Variants in MLANA observed in about 807,000 individuals in gnomAD.
MLANA encodes the protein melanoma antigen recognized by T-cells 1.
In MLANA, 21 loss-of-function variants were observed where a neutral mutation model predicts 15.7. The observed-to-expected ratio is 1.33, with a 90% CI of 0.95 to 1.92. The LOEUF (loss-of-function observed/expected upper bound fraction) is 1.92, where lower values mean the gene tolerates loss of function less well. Ranked by LOEUF, MLANA falls within the 40% of genes most tolerant of loss-of-function variation. The pLI is 0.00. For missense variants in MLANA, 164 were observed against 143.8 expected (o/e 1.14, Z -0.72); for synonymous variants, 56 against 51.5 (o/e 1.09, Z -0.37).
At position 5,908,789 on chromosome 9, in the gene MLANA, T is replaced by C; in HGVS notation, c.*81T>C. On this transcript the variant is annotated 3_prime_UTR_variant, in exon 5 of 5. Transcript: ENST00000381477. ...AATTTAATACAGACATCTAATGTTC[T>C]CCTTTGGAATGGTGTAGGAAAAATG... 7.3e-7 allele frequency: 1 copy of C among 1,366,270 alleles called. No individual in the cohort carries two copies. The highest frequency in any genetic ancestry group is 1.2e-5 in the South Asian group (1 of 83,048). The allele number at this position is 1,366,270 out of a possible 1,614,324, so 84.6% of individuals were successfully genotyped here. A position where few individuals can be genotyped will look rare whatever the true frequency, so the allele number is the denominator to read the frequency against.
chr9:5,898,921 T>C (rs1832225042), intron 3 of MLANA: 1 of 152,232 alleles, frequency 6.6e-6, no homozygotes, highest in African/African-American at 2.4e-5. Context: ...AAGGTTTTAA[T>C]AGTATTTTTT....
At chr9:5,896,765 G>C (rs1217183974) in intron 2 of MLANA, among the ~76,000 whole-genome samples, 1 of 152,190 alleles carries the variant, frequency 6.6e-6, no homozygotes, top group Non-Finnish European at 1.5e-5. Flanking sequence ...TAACTGTAAT[G>C]CTTCCCAGGG....
chr9:5,908,355 A>G (rs1014110686), intron 4 of MLANA, among the ~76,000 whole-genome samples: 1 of 152,216 alleles, frequency 6.6e-6, no homozygotes, highest in African/African-American at 2.4e-5. Context: ...ATGATTCGTT[A>G]GTTAGGGCTT....
intron 2 of MLANA, 80 bp downstream of exon 2, chr9:5,892,631 C>G: frequency 8.7e-7 from 1 of 1,149,822 alleles, no homozygotes; most frequent in Non-Finnish European, 1.3e-6. Context: ...CAGTACATGC[C>G]TGCTCGTAAA....
intron 3 of MLANA, chr9:5,898,021 G>C (rs1832149599): frequency 9.8e-6 from 2 of 203,212 alleles, no homozygotes; most frequent in Admixed American, 5.1e-5. Context: ...GGCATCACAT[G>C]GGCAAGGGAG....
intron 3 of MLANA, among the ~76,000 whole-genome samples, chr9:5,901,878 G>A (rs1042948092): frequency 1.3e-5 from 2 of 152,082 alleles, no homozygotes; most frequent in Non-Finnish European, 2.9e-5. Flanking sequence ...ATTTTGTCAT[G>A]GTATGTAATT....
At chr9:5,898,009 A>T in intron 3 of MLANA, 1 of 216,350 alleles carries the variant, frequency 4.6e-6, no homozygotes, top group South Asian at 8.4e-5. Context: ...ATCATAGTGG[A>T]AGGCATCACA....
At chr9:5,893,435 G>A (rs936457173) in intron 2 of MLANA, among the ~76,000 whole-genome samples, 3 of 152,156 alleles carry the variant, frequency 2.0e-5, no homozygotes, top group Non-Finnish European at 2.9e-5. Flanking sequence ...ACAGTCAACC[G>A]CAGGGACCAG....
chr9:5,892,792 G>A (rs1831738059), intron 2 of MLANA, among the ~76,000 whole-genome samples: 1 of 152,172 alleles, frequency 6.6e-6, no homozygotes, highest in African/African-American at 2.4e-5. Context: ...CCATTTTTGG[G>A]TGCACTTTTG....
intron 3 of MLANA, among the ~76,000 whole-genome samples, chr9:5,898,651 A>G (rs115481015): frequency 0.01 from 1,574 of 152,216 alleles, 26 homozygotes; most frequent in African/African-American, 0.031. Flanking sequence ...CCTTATAGCA[A>G]ACAGGAGTAT....
At chr9:5,897,489 T>C in intron 2 of MLANA, 68 bp from the exon 3 acceptor site, 1 of 1,413,404 alleles carries the variant, frequency 7.1e-7, no homozygotes, top group Admixed American at 1.7e-5. Context: ...GGAAGACTGA[T>C]TTATGCTTCA....
chr9:5,890,968 G>A (rs1160555984), intron 1 of MLANA, 32 bp downstream of exon 1: 4 of 152,158 alleles, frequency 2.6e-5, no homozygotes, highest in Non-Finnish European at 5.9e-5. Flanking sequence ...CATAATCATA[G>A]TCCTCTTCTC....
At chr9:5,897,524 T>C (rs1309428232) in intron 2 of MLANA, 33 bp from the exon 3 acceptor site, 1 of 1,570,566 alleles carries the variant, frequency 6.4e-7, no homozygotes. Context: ...AATGTTTCAA[T>C]GACAAAGTGG....
At chr9:5,892,759 G>A (rs1831736819) in intron 2 of MLANA, among the ~76,000 whole-genome samples, 1 of 152,198 alleles carries the variant, frequency 6.6e-6, no homozygotes, top group South Asian at 2.1e-4. Context: ...AGGAAGATGG[G>A]AATGGTATAA....
At chr9:5,896,994 T>C (rs1832069505) in intron 2 of MLANA, among the ~76,000 whole-genome samples, 1 of 152,226 alleles carries the variant, frequency 6.6e-6, no homozygotes, top group South Asian at 2.1e-4. Context: ...CTCTGTTTTG[T>C]GCTAGCTCTG....
At chr9:5,898,710 T>C (rs1296079371) in intron 3 of MLANA, among the ~76,000 whole-genome samples, 2 of 152,172 alleles carry the variant, frequency 1.3e-5, no homozygotes, top group Non-Finnish European at 2.9e-5. Flanking sequence ...GCTGGTTCTG[T>C]TACTCCACTT....
intron 3 of MLANA, 29 bp from the exon 4 acceptor site, chr9:5,906,856 C>G: frequency 7.2e-7 from 1 of 1,392,200 alleles, no homozygotes; most frequent in Non-Finnish European, 9.8e-7. Flanking sequence ...TTCTTCTCAC[C>G]CACTCACCTT....
In MLANA at chr9:5,892,539, C is replaced by T. The variant is rs1245145279; in HGVS notation, c.65C>T (p.Thr22Ile). The T allele has an allele frequency of 1.2e-6, 2 of 1,613,214 alleles. No individual in the cohort carries two copies. Among genetic ancestry groups the T allele is most frequent in the Admixed American group, 3.3e-5 (2 of 59,882 alleles). The change falls in exon 2 of 5, where the codon ACC (threonine) becomes ATC (isoleucine). Residue 22 changes from threonine (T) to isoleucine (I), a missense_variant. By Grantham distance (89) the Thr-to-Ile change is moderately conservative (BLOSUM62 -1). Transcript: ENST00000381477. ...YPKKGHGHSY[T>I]TAEEAAGIGI... ...AAGAAGGGGCACGGCCACTCTTACA[C>T]CACGGCTGAAGAGTAAGTTCAAAAC... is the stretch of plus-strand genomic sequence containing the variant.
At chr9:5,900,556 G>C (rs922943056) in intron 3 of MLANA, among the ~76,000 whole-genome samples, 3 of 152,006 alleles carry the variant, frequency 2.0e-5, no homozygotes, top group Non-Finnish European at 4.4e-5. Flanking sequence ...TAAAGCAAAG[G>C]GATGTAAATG....
Sources: allele counts gnomAD v4.1 joint callset (sites outside exome capture counted in the v4.1 genomes callset), GRCh38; gene constraint gnomAD v4.1.1; transcripts MANE v1.5; gene names NCBI Gene and HGNC (gene_info 2026-07-23, HGNC 2026-07-21).